The following CREB5 variants were observed in gnomAD, a reference collection of about 807,000 sequenced individuals.
CREB5 encodes cyclic AMP-responsive element-binding protein 5.
CREB5 carries 19 observed loss-of-function variants against 57.1 expected under a neutral mutation model. The observed-to-expected ratio is 0.33, with a 90% CI of 0.23 to 0.49. The LOEUF (loss-of-function observed/expected upper bound fraction) is 0.49. CREB5 is among the 20% of genes least tolerant of loss of function. CREB5 has a pLI of 0.99. For synonymous variants in CREB5, 238 were observed against 238.3 expected (o/e 1.00, Z 0.01); for missense variants, 579 against 671.6 (o/e 0.86, Z 1.52).
chr7:28,391,563 C>A (rs1257206728), intron 1 of CREB5, among the ~76,000 whole-genome samples: 2 of 152,190 alleles, frequency 1.3e-5, no homozygotes, highest in African/African-American at 4.8e-5. Flanking sequence ...TGTGCCACCA[C>A]AAACTTTGCT....
intron 1 of CREB5, among the ~76,000 whole-genome samples, chr7:28,303,240 G>C (rs1246458615): frequency 6.6e-6 from 1 of 152,060 alleles, no homozygotes; most frequent in Middle Eastern, 3.4e-3. Context: ...TTATTTATTT[G>C]GGTAAGTGCG....
chr7:28,327,168 A>AAT (rs1252760855), intron 1 of CREB5, among the ~76,000 whole-genome samples: 4 of 150,410 alleles, frequency 2.7e-5, no homozygotes, highest in Non-Finnish European at 6.0e-5. Flanking sequence ...AAAAAAAAAA[A>AAT]GGAAACCGTA....
intron 1 of CREB5, among the ~76,000 whole-genome samples, chr7:28,348,408 T>TCTCTCTCACACA (rs1376338798): frequency 2.5e-5 from 3 of 118,116 alleles, no homozygotes; most frequent in African/African-American, 9.5e-5. Context: ...TCTCTCTCTC[T>TCTCTCTCACACA]CACACACACA....
chr7:28,683,696 T>C (rs1583540527), intron 5 of CREB5, among the ~76,000 whole-genome samples: 1 of 152,162 alleles, frequency 6.6e-6, no homozygotes, highest in Non-Finnish European at 1.5e-5. Context: ...GTGCCCGGCA[T>C]TGGCTGAAGC....
At chr7:28,757,240 TG>T (rs1482542159) in intron 7 of CREB5, among the ~76,000 whole-genome samples, 2 of 152,134 alleles carry the variant, frequency 1.3e-5, no homozygotes, top group Non-Finnish European at 2.9e-5. Flanking sequence ...AAAGAGTAAA[TG>T]GTTTACCCAA....
intron 5 of CREB5, among the ~76,000 whole-genome samples, chr7:28,592,216 G>A (rs552699581): frequency 3.6e-4 from 55 of 152,256 alleles, no homozygotes; most frequent in African/African-American, 1.3e-3. Context: ...CCTAATGCAG[G>A]CCATGTGAAC....
intron 1 of CREB5, among the ~76,000 whole-genome samples, chr7:28,325,076 C>T (rs185104808): frequency 9.2e-5 from 14 of 152,310 alleles, no homozygotes; most frequent in Admixed American, 2.6e-4. Context: ...TCTGAACAAC[C>T]GCAATAACTT....
At chr7:28,445,769 T>C (rs1330798555) in intron 1 of CREB5, among the ~76,000 whole-genome samples, 2 of 151,674 alleles carry the variant, frequency 1.3e-5, no homozygotes, top group Non-Finnish European at 3.0e-5. Context: ...GCCAGGATGA[T>C]CTCGATCTTC....
intron 1 of CREB5, among the ~76,000 whole-genome samples, chr7:28,388,811 C>T (rs542397541): frequency 3.4e-4 from 52 of 152,348 alleles, no homozygotes; most frequent in Non-Finnish European, 5.6e-4. Context: ...CTTGAGGTAT[C>T]TCTGAAATCA....
intron 7 of CREB5, among the ~76,000 whole-genome samples, chr7:28,764,055 G>A (rs1805815718): frequency 6.6e-6 from 1 of 151,854 alleles, no homozygotes; most frequent in Admixed American, 6.6e-5. Context: ...CTCATGTTTT[G>A]GTCTCCTAAA....
At chr7:28,494,847 GT>G (rs1249574984) in intron 2 of CREB5, 58 bp from the exon 3 acceptor site, 78 of 1,109,706 alleles carry the variant, frequency 7.0e-5, no homozygotes, top group Non-Finnish European at 9.5e-5. Flanking sequence ...TGGTAAATAT[GT>G]TTTTTAAAAC....
At chr7:28,657,562 C>T (rs1583490381) in intron 5 of CREB5, among the ~76,000 whole-genome samples, 3 of 152,034 alleles carry the variant, frequency 2.0e-5, no homozygotes, top group Admixed American at 2.0e-4. Flanking sequence ...AACCCCGTCT[C>T]TACTAACAAT....
At chr7:28,336,439 T>C (rs948330438) in intron 1 of CREB5, among the ~76,000 whole-genome samples, 1 of 152,022 alleles carries the variant, frequency 6.6e-6, no homozygotes, top group Non-Finnish European at 1.5e-5. Flanking sequence ...TGTATGTGTG[T>C]AGTAATTTAT....
Position 28,468,549 on chromosome 7 carries a change from G to T in CREB5, c.4-19626G>T, listed in dbSNP as rs140515169. On this transcript the variant is annotated intron_variant, in intron 1 of 10. Coordinates refer to ENST00000357727, the MANE Select transcript of CREB5 (RefSeq NM_182898.4). ...CAATGGGTTGAGCAGGCACCAGAGT[G>T]GGGGAAGGAGGTGCTAAGAATAATA... 2.6e-3 allele frequency among the ~76,000 whole-genome samples: 394 copies of T among 152,328 alleles called. 2 individuals are homozygous for T. Among genetic ancestry groups the T allele is most frequent in the Non-Finnish European group, 4.9e-3 (330 of 68,036 alleles).
intron 5 of CREB5, among the ~76,000 whole-genome samples, chr7:28,592,802 G>T (rs1276533170): frequency 1.3e-5 from 2 of 152,122 alleles, no homozygotes; most frequent in Non-Finnish European, 2.9e-5. Context: ...CCCTGTATTA[G>T]GTGCAGTCAG....
chr7:28,462,010 A>G (rs1023893164), intron 1 of CREB5, among the ~76,000 whole-genome samples: 1 of 152,058 alleles, frequency 6.6e-6, no homozygotes, highest in African/African-American at 2.4e-5. Context: ...CCATTGTCTC[A>G]TTTTAGAACA....
intron 4 of CREB5, among the ~76,000 whole-genome samples, chr7:28,517,811 A>G (rs1223838920): frequency 6.8e-6 from 1 of 147,704 alleles, no homozygotes; most frequent in Admixed American, 6.7e-5. Context: ...AGAACTTGTG[A>G]CTCTGTTCTG....
At chr7:28,525,488 T>TATC (rs1336282581) in intron 4 of CREB5, among the ~76,000 whole-genome samples, 1 of 151,842 alleles carries the variant, frequency 6.6e-6, no homozygotes, top group Non-Finnish European at 1.5e-5. Context: ...CACCAGCATT[T>TATC]ATTATTATTA....
intron 1 of CREB5, among the ~76,000 whole-genome samples, chr7:28,389,489 G>T (rs568553161): frequency 6.6e-6 from 1 of 152,182 alleles, no homozygotes; most frequent in African/African-American, 2.4e-5. Context: ...AGACCTCATG[G>T]ACATTCCAAA....
Sources: allele counts gnomAD v4.1 joint callset (sites outside exome capture counted in the v4.1 genomes callset), GRCh38; gene constraint gnomAD v4.1.1; transcripts MANE v1.5; gene names NCBI Gene and HGNC (gene_info 2026-07-23, HGNC 2026-07-21).